DLG2: variants seen among roughly 807,000 people sequenced by gnomAD.
DLG2 encodes discs large MAGUK scaffold protein 2, also known as disks large homolog 2.
A neutral mutation model predicts 132.5 loss-of-function variants in DLG2; 45 were observed. That is an observed-to-expected ratio of 0.34 (90% CI 0.27 to 0.44). The LOEUF (loss-of-function observed/expected upper bound fraction) is 0.44, where lower values mean the gene tolerates loss of function less well. DLG2 is among the 20% of genes least tolerant of loss of function. The probability of loss-of-function intolerance (pLI) is 1.00; values close to 1 mark genes in which losing one functional copy is unlikely to be tolerated. For synonymous variants in DLG2, 424 were observed against 419.6 expected (o/e 1.01, Z -0.13); for missense variants, 1,045 against 1,196.9 (o/e 0.87, Z 1.87).
chr11:83,470,724 G>A (rs972277019), intron 24 of DLG2, among the ~76,000 whole-genome samples: 8 of 152,110 alleles, frequency 5.3e-5, no homozygotes, highest in South Asian at 4.1e-4. Context: ...TAGTCTTTTG[G>A]CCATGTACTG....
intron 17 of DLG2, among the ~76,000 whole-genome samples, chr11:83,808,981 C>T (rs2046608278): frequency 6.6e-6 from 1 of 152,018 alleles, no homozygotes. Context: ...GTGTCTATTT[C>T]CTCCTCCTGC....
intron 21 of DLG2, among the ~76,000 whole-genome samples, chr11:83,495,547 A>G (rs1477045053): frequency 6.6e-6 from 1 of 152,106 alleles, no homozygotes; most frequent in African/African-American, 2.4e-5. Flanking sequence ...TACCCATACC[A>G]TAGTACTTAT....
chr11:84,606,456 A>G (rs949632792), intron 6 of DLG2, among the ~76,000 whole-genome samples: 6 of 152,146 alleles, frequency 3.9e-5, no homozygotes, highest in South Asian at 2.1e-4. Flanking sequence ...TATTTTTTCT[A>G]TAAACTTTCC....
In DLG2 at chr11:83,531,466, G is replaced by A. The variant is rs575113254; in HGVS notation, c.2193+1242C>T. ...CAAAACCAGCATGAGATACCACTTC[G>A]TACCAACTAAGATGGCTGTAATCAG... On this transcript the variant is annotated intron_variant, in intron 21 of 27. Coordinates refer to ENST00000376104, the MANE Select transcript of DLG2 (RefSeq NM_001142699.3). Among the ~76,000 whole-genome samples the A allele has an allele frequency of 1.2e-4, 18 of 151,968 alleles. 1 individual carries two copies. In the South Asian group the frequency reaches 2.5e-3, roughly 21 times the overall value.
At chr11:84,261,309 G>T (rs554711787) in intron 7 of DLG2, among the ~76,000 whole-genome samples, 2 of 152,084 alleles carry the variant, frequency 1.3e-5, no homozygotes, top group Non-Finnish European at 2.9e-5. Flanking sequence ...CATGCCTACC[G>T]CAATGTCTTT....
chr11:84,174,302 C>T (rs2095895352), intron 8 of DLG2, among the ~76,000 whole-genome samples: 1 of 152,014 alleles, frequency 6.6e-6, no homozygotes, highest in Non-Finnish European at 1.5e-5. Context: ...ATCTATTCTT[C>T]ATATCCTTTG....
intron 6 of DLG2, among the ~76,000 whole-genome samples, chr11:85,004,105 T>G (rs1592529722): frequency 6.6e-6 from 1 of 152,344 alleles, no homozygotes; most frequent in Non-Finnish European, 1.5e-5. Flanking sequence ...CACATTTTCT[T>G]TATCCAGTCT....
At chr11:83,850,397 C>A (rs889325043) in intron 16 of DLG2, among the ~76,000 whole-genome samples, 4 of 152,150 alleles carry the variant, frequency 2.6e-5, no homozygotes, top group Non-Finnish European at 4.4e-5. Flanking sequence ...TTGTGATCCA[C>A]CCCTCTCTGC....
At chr11:84,602,741 C>T (rs2099578858) in intron 6 of DLG2, among the ~76,000 whole-genome samples, 1 of 151,880 alleles carries the variant, frequency 6.6e-6, no homozygotes. Context: ...TTTGATTTTG[C>T]AAAAAGTCAG....
intron 3 of DLG2, among the ~76,000 whole-genome samples, chr11:85,596,193 T>C (rs1009718479): frequency 4.6e-5 from 7 of 152,050 alleles, no homozygotes; most frequent in African/African-American, 1.4e-4. Flanking sequence ...ATCAAGACCA[T>C]CTTGGTCAAC....
At chr11:85,417,220 G>C (rs932359235) in intron 3 of DLG2, among the ~76,000 whole-genome samples, 1 of 152,036 alleles carries the variant, frequency 6.6e-6, no homozygotes, top group Admixed American at 6.6e-5. Flanking sequence ...TTTTGTCTTT[G>C]GTTCTGTTTA....
intron 5 of DLG2, among the ~76,000 whole-genome samples, chr11:85,130,396 C>T (rs2152405089): frequency 6.6e-6 from 1 of 152,186 alleles, no homozygotes; most frequent in East Asian, 1.9e-4. Flanking sequence ...GAACTCAGAG[C>T]TCACAGAGGT....
Position 83,545,898 on chromosome 11 carries a change from C to T in DLG2, c.1941-4040G>A, listed in dbSNP as rs551786223. On this transcript the variant is annotated intron_variant, in intron 19 of 27. Coordinates refer to ENST00000376104, the MANE Select transcript of DLG2 (RefSeq NM_001142699.3). ...TGGATCCTCACATCTGGGAAAAATGCTACAGTGCCCCATCACCTAATTTAA... is the reference window on the plus strand; with the variant it reads ...TGGATCCTCACATCTGGGAAAAATGTTACAGTGCCCCATCACCTAATTTAA... Among the ~76,000 whole-genome samples, 6 of 152,292 alleles carry T rather than the reference C, an allele frequency of 3.9e-5. No individual in the cohort carries two copies. In the South Asian group the frequency reaches 1.0e-3, roughly 26 times the overall value.
At chr11:85,563,437 T>G (rs946920607) in intron 3 of DLG2, among the ~76,000 whole-genome samples, 1 of 151,394 alleles carries the variant, frequency 6.6e-6, no homozygotes, top group African/African-American at 2.4e-5. Flanking sequence ...AAAAAGTTCC[T>G]TTGTGCCACT....
chr11:84,665,944 C>A (rs2099699333), intron 6 of DLG2, among the ~76,000 whole-genome samples: 1 of 152,114 alleles, frequency 6.6e-6, no homozygotes, highest in South Asian at 2.1e-4. Flanking sequence ...TAACTGAGTT[C>A]ACATTATAAA....
At chr11:84,721,025 G>C (rs1789176) in intron 6 of DLG2, 109,271 of 150,882 alleles carry the variant, frequency 0.72, 39,617 homozygotes, top group South Asian at 0.77. Flanking sequence ...TTGGTGCCAC[G>C]AAGGAGTCCC....
intron 8 of DLG2, among the ~76,000 whole-genome samples, chr11:84,237,147 C>G (rs2097169216): frequency 6.6e-6 from 1 of 152,048 alleles, no homozygotes; most frequent in South Asian, 2.1e-4. Context: ...CCACGATGGT[C>G]TCCATCTCCT....
intron 7 of DLG2, among the ~76,000 whole-genome samples, chr11:84,283,968 C>CGGT (rs1488539921): frequency 6.6e-6 from 1 of 152,164 alleles, no homozygotes; most frequent in East Asian, 1.9e-4. Flanking sequence ...GGTCCAGGCA[C>CGGT]GGTGGCTCAT....
At chr11:85,046,573 C>A (rs1237043833) in intron 6 of DLG2, among the ~76,000 whole-genome samples, 1 of 151,744 alleles carries the variant, frequency 6.6e-6, no homozygotes, top group Non-Finnish European at 1.5e-5. Context: ...TGACTCCAAA[C>A]ATCAGTTTCA....
Sources: allele counts gnomAD v4.1 joint callset (sites outside exome capture counted in the v4.1 genomes callset), GRCh38; gene constraint gnomAD v4.1.1; transcripts MANE v1.5; gene names NCBI Gene and HGNC (gene_info 2026-07-23, HGNC 2026-07-21).